The following DENND1A variants were observed in gnomAD, a reference collection of about 807,000 sequenced individuals.
The protein encoded by DENND1A is DENN domain-containing protein 1A.
In DENND1A, 51 loss-of-function variants were observed where a neutral mutation model predicts 113.7. That is an observed-to-expected ratio of 0.45 (90% CI 0.36 to 0.57). The LOEUF (loss-of-function observed/expected upper bound fraction) is 0.57, where lower values mean the gene tolerates loss of function less well. Among genes scored for constraint, DENND1A ranks in the 20% least tolerant of loss-of-function variants. DENND1A has a pLI of 0.00. For synonymous variants in DENND1A, 565 were observed against 570.8 expected, an observed-to-expected ratio of 0.99 and a Z score of 0.14; for missense variants, 1,258 against 1,395.9, an observed-to-expected ratio of 0.90 and a Z score of 1.57.
chr9:123,609,411 C>G (rs1187219939), intron 11 of DENND1A, 25 bp downstream of exon 11: 2 of 1,612,786 alleles, frequency 1.2e-6, no homozygotes, highest in East Asian at 2.2e-5. Flanking sequence ...GTAGAGCCAT[C>G]TGGGGAGGAA....
At chr9:123,395,468 CTGTGTG>C (rs60527655) in intron 21 of DENND1A, among the ~76,000 whole-genome samples, 1 of 142,890 alleles carries the variant, frequency 7.0e-6, no homozygotes, top group Non-Finnish European at 1.5e-5. Flanking sequence ...CTCTCTCTCT[CTGTGTG>C]TGTGTGTGTG....
chr9:123,772,376 C>A (rs977744288), intron 3 of DENND1A, among the ~76,000 whole-genome samples: 1 of 152,174 alleles, frequency 6.6e-6, no homozygotes, highest in African/African-American at 2.4e-5. Context: ...TCAATATTAA[C>A]TTTATTGGGA....
intron 8 of DENND1A, among the ~76,000 whole-genome samples, chr9:123,656,458 CA>C (rs2139560581): frequency 6.6e-6 from 1 of 152,232 alleles, no homozygotes; most frequent in South Asian, 2.1e-4. Flanking sequence ...CCAATTCAGA[CA>C]AAAGCTTTGG....
At chr9:123,903,644 G>A (rs982086099) in intron 1 of DENND1A, among the ~76,000 whole-genome samples, 24 of 152,256 alleles carry the variant, frequency 1.6e-4, no homozygotes, top group African/African-American at 3.1e-4. Context: ...ACTCCCACCC[G>A]AATATTGCGC....
intron 11 of DENND1A, among the ~76,000 whole-genome samples, chr9:123,591,427 G>A (rs1303969777): frequency 2.0e-5 from 3 of 152,338 alleles, no homozygotes; most frequent in African/African-American, 2.4e-5. Context: ...GCACTCAGCC[G>A]GGTTGGGAGC....
At chr9:123,540,639 C>T (rs892568912) in intron 13 of DENND1A, among the ~76,000 whole-genome samples, 6 of 152,280 alleles carry the variant, frequency 3.9e-5, no homozygotes, top group Middle Eastern at 3.4e-3. Flanking sequence ...CACTAGGGCT[C>T]GAGTCCAAGC....
intron 2 of DENND1A, among the ~76,000 whole-genome samples, chr9:123,817,485 T>C (rs1277046254): frequency 6.6e-6 from 1 of 152,220 alleles, no homozygotes; most frequent in East Asian, 1.9e-4. Context: ...AATTTTTACA[T>C]GCAAATGAGT....
At chr9:123,453,423 A>G (rs969057705) in intron 16 of DENND1A, among the ~76,000 whole-genome samples, 2 of 152,204 alleles carry the variant, frequency 1.3e-5, no homozygotes, top group African/African-American at 4.8e-5. Context: ...CTGAAAAGCC[A>G]TGGCGTATGC....
intron 4 of DENND1A, among the ~76,000 whole-genome samples, chr9:123,767,844 C>T (rs551993873): frequency 6.6e-6 from 1 of 152,176 alleles, no homozygotes; most frequent in Admixed American, 6.5e-5. Flanking sequence ...ACCACTCTAA[C>T]AAGAAGTCAT....
intron 13 of DENND1A, among the ~76,000 whole-genome samples, chr9:123,536,151 T>G (rs1272266585): frequency 6.6e-6 from 1 of 152,206 alleles, no homozygotes; most frequent in Non-Finnish European, 1.5e-5. Flanking sequence ...TTCATGTTGG[T>G]ATTTGCACTG....
Position 123,391,933 on chromosome 9 carries a change from AGAAGAAAGGCTGGCC to A in DENND1A, c.1632-4090_1632-4076del, listed in dbSNP as rs553337177. On this transcript the variant is annotated intron_variant, in intron 21 of 23. Coordinates refer to ENST00000394215, the MANE Select transcript of DENND1A (RefSeq NM_001352964.2). Reference sequence around the variant, plus strand: ...GCGAGGGCTGCCAGAGTCTTGGTGCAGAAGAAAGGCTGGCCGTCCGTCATGGATCAGACCCCATCA... The same window carrying A: ...GCGAGGGCTGCCAGAGTCTTGGTGCAGTCCGTCATGGATCAGACCCCATCA... Among the ~76,000 whole-genome samples the A allele has an allele frequency of 1.9e-4, 29 of 152,302 alleles. No homozygotes were observed. In the East Asian group the frequency reaches 5.6e-3, roughly 29 times the overall value.
chr9:123,790,317 G>A (rs1832810993), intron 3 of DENND1A, among the ~76,000 whole-genome samples: 1 of 151,976 alleles, frequency 6.6e-6, no homozygotes, highest in Non-Finnish European at 1.5e-5. Flanking sequence ...ACATATTTCT[G>A]GGAATTTGAA....
At chr9:123,842,685 C>T (rs373328411) in intron 2 of DENND1A, among the ~76,000 whole-genome samples, 2 of 152,070 alleles carry the variant, frequency 1.3e-5, no homozygotes, top group African/African-American at 4.8e-5. Context: ...AGAATTCTAC[C>T]AAACATTTAA....
chr9:123,471,580 A>G (rs1179787327), intron 13 of DENND1A, among the ~76,000 whole-genome samples: 3 of 152,208 alleles, frequency 2.0e-5, no homozygotes, highest in Admixed American at 6.5e-5. Context: ...ACCTCCACGA[A>G]GCTGCCTGCT....
At chr9:123,615,511 C>T (rs1211308447) in intron 10 of DENND1A, among the ~76,000 whole-genome samples, 2 of 152,198 alleles carry the variant, frequency 1.3e-5, no homozygotes, top group African/African-American at 4.8e-5. Context: ...CTGAGCTCCT[C>T]CTCCCCTGCT....
At chr9:123,839,387 A>AC (rs1841501206) in intron 2 of DENND1A, among the ~76,000 whole-genome samples, 1 of 152,166 alleles carries the variant, frequency 6.6e-6, no homozygotes, top group Admixed American at 6.5e-5. Flanking sequence ...TGTATTCAAA[A>AC]ACGCCTTAAC....
intron 1 of DENND1A, among the ~76,000 whole-genome samples, chr9:123,891,570 A>G (rs564027820): frequency 6.6e-6 from 1 of 152,370 alleles, no homozygotes; most frequent in Admixed American, 6.5e-5. Flanking sequence ...TCAATGTGCC[A>G]AGATGGCACA....
At chr9:123,627,773 G>T (rs565275099) in intron 10 of DENND1A, among the ~76,000 whole-genome samples, 1 of 149,260 alleles carries the variant, frequency 6.7e-6, no homozygotes, top group African/African-American at 2.5e-5. Context: ...GAGAGAGCGA[G>T]CGAGTGAGAG....
Position 123,383,823 on chromosome 9 carries a change from G to A in DENND1A, c.1851C>T (p.Gly617=). The A allele has an allele frequency of 6.2e-7, 1 of 1,613,954 alleles. No individual in the cohort carries two copies. Among genetic ancestry groups the A allele is most frequent in the South Asian group, 1.1e-5 (1 of 91,088 alleles). ...CCCGGTCAGGGGGAGCTGGGACAGG[G>A]CCTGTGGACTTCCGCACTTGCTGCT... ...SPEQQVRKST[G]PVPAPPDRAA... is the part of the protein sequence containing the mutation. Residue 617 remains glycine (G), a synonymous_variant, in exon 23 of 24, where the codon GGC becomes GGT. Transcript: ENST00000394215.
Sources: gnomAD v4.1 joint callset for allele counts (sites outside exome capture counted in the v4.1 genomes callset) on GRCh38, gnomAD v4.1.1 for gene constraint, MANE v1.5 for transcripts, NCBI Gene and HGNC (gene_info 2026-07-23, HGNC 2026-07-21) for gene names.